Variants in COG5 observed in about 807,000 individuals in gnomAD.
COG5 encodes component of oligomeric golgi complex 5, also known as conserved oligomeric Golgi complex subunit 5.
In COG5, 86 loss-of-function variants were observed where a neutral mutation model predicts 110.4. The ratio of observed to expected loss-of-function variants is 0.78; its 90% CI spans 0.65 to 0.93. The LOEUF (loss-of-function observed/expected upper bound fraction) is 0.93, where lower values mean the gene tolerates loss of function less well. COG5 is among the 40% of genes least tolerant of loss of function. The pLI is 0.00. For synonymous variants in COG5, 360 were observed against 334.6 expected, an observed-to-expected ratio of 1.08 and a Z score of -0.83; for missense variants, 1,077 against 987.0, an observed-to-expected ratio of 1.09 and a Z score of -1.22.
chr7:107,400,418 C>T (rs998772565), intron 7 of COG5, among the ~76,000 whole-genome samples: 1 of 152,040 alleles, frequency 6.6e-6, no homozygotes, highest in African/African-American at 2.4e-5. Flanking sequence ...GTATTTACTA[C>T]TATAATAACA....
chr7:107,500,765 CAA>C (rs1167566051), intron 6 of COG5, among the ~76,000 whole-genome samples: 1 of 152,072 alleles, frequency 6.6e-6, no homozygotes, highest in African/African-American at 2.4e-5. Context: ...TCTGATTCAT[CAA>C]AAGAGATTTC....
intron 6 of COG5, among the ~76,000 whole-genome samples, chr7:107,526,771 C>T (rs73724522): frequency 2.2e-4 from 33 of 152,236 alleles, no homozygotes; most frequent in African/African-American, 7.9e-4. Context: ...ATTTTGAGTA[C>T]AAGAAGACAG....
intron 6 of COG5, among the ~76,000 whole-genome samples, chr7:107,503,340 T>A (rs1798755567): frequency 6.6e-6 from 1 of 152,306 alleles, no homozygotes; most frequent in East Asian, 1.9e-4. Context: ...TTCTCTATTC[T>A]GTTTCATTGG....
At chr7:107,207,045 C>T (rs190798550) in intron 21 of COG5, among the ~76,000 whole-genome samples, 35 of 152,306 alleles carry the variant, frequency 2.3e-4, no homozygotes, top group Non-Finnish European at 4.0e-4. Context: ...CACTGCTCAA[C>T]ATGACAAAAA....
At chr7:107,408,149 T>C (rs1300776352) in intron 7 of COG5, among the ~76,000 whole-genome samples, 2 of 152,226 alleles carry the variant, frequency 1.3e-5, no homozygotes, top group African/African-American at 4.8e-5. Context: ...ATCTGGTTTA[T>C]TGCTTGTTTT....
intron 7 of COG5, among the ~76,000 whole-genome samples, chr7:107,398,618 G>A (rs1312313171): frequency 6.6e-6 from 1 of 152,130 alleles, no homozygotes; most frequent in Non-Finnish European, 1.5e-5. Flanking sequence ...CCAGTCCCTG[G>A]TGTCAAAAAG....
rs17154187 is a variant in COG5 at position 107,530,273 on chromosome 7, T to C, written c.418-2916A>G. Among the ~76,000 whole-genome samples, 567 of 152,254 alleles carry C rather than the reference T, an allele frequency of 3.7e-3. 10 individuals are homozygous for C. Among genetic ancestry groups the C allele is most frequent in the African/African-American group, 0.013 (534 of 41,548 alleles). On this transcript the variant is annotated intron_variant, in intron 5 of 21. Coordinates refer to ENST00000297135, the MANE Select transcript of COG5 (RefSeq NM_006348.5). ...TCTCGGCTAGCTTTCAAGTCTCTCA[T>C]TGAAATCCACCCAGCCAGATTTATC...
chr7:107,258,551 T>C (rs1020335051), intron 14 of COG5, 168 bp from the exon 15 acceptor site: 1 of 637,672 alleles, frequency 1.6e-6, no homozygotes, highest in Non-Finnish European at 2.8e-6. Context: ...CAGGTCAACT[T>C]AAAGCTTTGG....
rs892844980 is a variant in COG5 at position 107,540,570 on chromosome 7, C to T, written c.417+7541G>A. Among the ~76,000 whole-genome samples the T allele has an allele frequency of 4.1e-4, 61 of 148,838 alleles. 1 individual carries two copies. Among genetic ancestry groups the T allele is most frequent in the African/African-American group, 1.4e-3 (58 of 40,512 alleles). On this transcript the variant is annotated intron_variant, in intron 5 of 21. Transcript: ENST00000297135. ...TCCAGCCCAAGTGACAGGGCAAGGC[C>T]CTGTCTCAAAAAATAAATAAATAAA... is the stretch of plus-strand genomic sequence containing the variant.
chr7:107,339,032 ACCTTGAATGTAAATAC>A (rs1457576971), intron 10 of COG5, among the ~76,000 whole-genome samples: 1 of 152,166 alleles, frequency 6.6e-6, no homozygotes, highest in African/African-American at 2.4e-5. Context: ...ATCAATATAA[ACCTTGAATGTAAATAC>A]CCTAAATGCT....
intron 17 of COG5, among the ~76,000 whole-genome samples, chr7:107,239,382 G>A (rs1172263607): frequency 6.6e-6 from 1 of 152,124 alleles, no homozygotes; most frequent in African/African-American, 2.4e-5. Flanking sequence ...TTAAAATTAG[G>A]TAGTGTGATA....
Position 107,203,359 on chromosome 7 carries a change from A to G in COG5, c.*157T>C, listed in dbSNP as rs188638963. 1.2e-3 allele frequency: 796 copies of G among 654,448 alleles called. 3 individuals are homozygous for G. The highest frequency in any genetic ancestry group is 3.1e-3 in the Admixed American group (128 of 41,384). The allele number at this position is 654,448 out of a possible 1,614,324, so 40.5% of individuals were successfully genotyped here. ...AACTCAACATTTTTTATGCTAAAGT[A>G]TAAGTGCTAAAGAGGTAAATAAACG... On this transcript the variant is annotated 3_prime_UTR_variant, in exon 22 of 22. Transcript: ENST00000297135.
At chr7:107,214,982 A>G (rs979587922) in intron 19 of COG5, among the ~76,000 whole-genome samples, 1 of 152,168 alleles carries the variant, frequency 6.6e-6, no homozygotes, top group African/African-American at 2.4e-5. Context: ...ACAAATTACA[A>G]AATGATGTAT....
chr7:107,215,585 AC>A (rs111613051), intron 19 of COG5, among the ~76,000 whole-genome samples: 24,408 of 151,434 alleles, frequency 0.16, 2,294 homozygotes, highest in Non-Finnish European at 0.22. Context: ...AATGGCGTGA[AC>A]CCGGGAGGCA....
At chr7:107,353,984 T>C (rs1053967188) in intron 10 of COG5, among the ~76,000 whole-genome samples, 13 of 152,216 alleles carry the variant, frequency 8.5e-5, no homozygotes, top group East Asian at 1.9e-4. Context: ...GAGGATTACA[T>C]TGAAAACTAA....
At chr7:107,509,061 T>C (rs758778191) in intron 6 of COG5, among the ~76,000 whole-genome samples, 2 of 152,024 alleles carry the variant, frequency 1.3e-5, no homozygotes, top group South Asian at 2.1e-4. Context: ...GACTTTGACG[T>C]GTTGAGAGAA....
chr7:107,475,391 A>T (rs369937943), intron 6 of COG5: 1 of 1,023,064 alleles, frequency 9.8e-7, no homozygotes, highest in East Asian at 2.5e-5. Flanking sequence ...CCAAATCCAC[A>T]TTCAAATGAG....
chr7:107,352,411 G>A (rs531546508), intron 10 of COG5, among the ~76,000 whole-genome samples: 38 of 147,382 alleles, frequency 2.6e-4, no homozygotes, highest in Non-Finnish European at 4.5e-4. Flanking sequence ...TATACATATG[G>A]AACAAACCTG....
At chr7:107,512,468 T>C (rs1285926771) in intron 6 of COG5, among the ~76,000 whole-genome samples, 2 of 152,118 alleles carry the variant, frequency 1.3e-5, no homozygotes, top group African/African-American at 2.4e-5. Flanking sequence ...ATGGCCATAC[T>C]GCCCAAGGTA....
Sources: gnomAD v4.1 joint callset for allele counts (sites outside exome capture counted in the v4.1 genomes callset) on GRCh38, gnomAD v4.1.1 for gene constraint, MANE v1.5 for transcripts, NCBI Gene and HGNC (gene_info 2026-07-23, HGNC 2026-07-21) for gene names.